The following MYOM2 variants were observed in gnomAD, a reference collection of about 807,000 sequenced individuals.
The protein encoded by MYOM2 is myomesin 2.
A neutral mutation model predicts 187.6 loss-of-function variants in MYOM2; 254 were observed. That is an observed-to-expected ratio of 1.35 (90% CI 1.22 to 1.50). The LOEUF (loss-of-function observed/expected upper bound fraction) is 1.50. Ranked by LOEUF, MYOM2 falls within the 40% of genes most tolerant of loss-of-function variation. The pLI, the probability that MYOM2 is intolerant of heterozygous loss-of-function variation, is 0.00. For missense variants in MYOM2, 2,796 were observed against 1,924.0 expected (o/e 1.45, Z -8.48); for synonymous variants, 981 against 753.8 (o/e 1.30, Z -4.94).
At chr8:2,103,855 G>A (rs1189964851) in intron 21 of MYOM2, among the ~76,000 whole-genome samples, 2 of 152,078 alleles carry the variant, frequency 1.3e-5, no homozygotes, top group Non-Finnish European at 2.9e-5. Flanking sequence ...ATATGTGTAT[G>A]TATGTACAGG....
intron 32 of MYOM2, among the ~76,000 whole-genome samples, chr8:2,137,564 TTG>T (rs35420025): frequency 0.032 from 4,728 of 150,080 alleles, 258 homozygotes; most frequent in African/African-American, 0.11. Context: ...CTGTGCCTGG[TTG>T]TGTGTGTGTG....
intron 31 of MYOM2, among the ~76,000 whole-genome samples, chr8:2,128,046 T>G (rs1213179066): frequency 2.0e-5 from 3 of 152,210 alleles, no homozygotes; most frequent in Non-Finnish European, 4.4e-5. Context: ...TTTTCTTTGT[T>G]TTATATAGAT....
At chr8:2,143,234 T>G (rs1324517354) in intron 35 of MYOM2, 167 bp from the exon 36 acceptor site, 4 of 766,028 alleles carry the variant, frequency 5.2e-6, no homozygotes, top group Non-Finnish European at 8.9e-6. Context: ...TGGCTTTGGT[T>G]TATCCCTCAA....
Position 2,050,817 on chromosome 8 carries a change from C to G in MYOM2, c.51C>G (p.Asp17Glu). ...PFYQKRHRHFDQSYRNIQTRY... is the reference protein window; with the variant it reads ...PFYQKRHRHFEQSYRNIQTRY... ...ACCAGAAGAGACATAGGCACTTCGACCAGTCCTACCGTAATATTCAAACAC... is the reference window on the plus strand; with the variant it reads ...ACCAGAAGAGACATAGGCACTTCGAGCAGTCCTACCGTAATATTCAAACAC... The change falls in exon 2 of 37, where the codon GAC becomes GAG. Residue 17 changes from aspartate (D) to glutamate (E), a missense_variant. Asp to Glu is a conservative substitution (Grantham distance 45, BLOSUM62 2). Transcript: ENST00000262113. 1.9e-6 allele frequency: 3 copies of G among 1,613,672 alleles called. No homozygotes were observed. Among genetic ancestry groups the G allele is most frequent in the Non-Finnish European group, 2.5e-6 (3 of 1,179,558 alleles).
At chr8:2,057,280 C>A in intron 3 of MYOM2, 68 bp from the exon 4 acceptor site, 1 of 1,534,858 alleles carries the variant, frequency 6.5e-7, no homozygotes, top group Non-Finnish European at 8.7e-7. Flanking sequence ...ATGCCCTTTC[C>A]GGCCTTCGGG....
intron 32 of MYOM2, among the ~76,000 whole-genome samples, chr8:2,138,744 G>A (rs1180046136): frequency 1.4e-5 from 2 of 143,122 alleles, no homozygotes; most frequent in East Asian, 4.1e-4. Flanking sequence ...TGTTGAGCAT[G>A]TCTTCTTGGA....
At chr8:2,090,286 T>C in intron 15 of MYOM2, 95 bp downstream of exon 15, 1 of 1,211,098 alleles carries the variant, frequency 8.3e-7, no homozygotes, top group East Asian at 2.6e-5. Flanking sequence ...ACATTAATGT[T>C]ATAAACGAGT....
chr8:2,089,716 A>G (rs977520514), intron 14 of MYOM2, among the ~76,000 whole-genome samples: 1 of 152,248 alleles, frequency 6.6e-6, no homozygotes, highest in African/African-American at 2.4e-5. Flanking sequence ...TGCTAAAACT[A>G]CTACCTATGT....
intron 6 of MYOM2, among the ~76,000 whole-genome samples, chr8:2,059,596 T>C (rs1818784648): frequency 1.3e-5 from 2 of 152,158 alleles, no homozygotes; most frequent in Non-Finnish European, 2.9e-5. Flanking sequence ...CAAAGAATGA[T>C]AACCTTTATT....
At chr8:2,117,847 C>G (rs752959715) in intron 27 of MYOM2, 38 bp from the exon 28 acceptor site, 2 of 1,501,860 alleles carry the variant, frequency 1.3e-6, no homozygotes, top group Non-Finnish European at 1.8e-6. Context: ...TTTACTTTTT[C>G]CTTTTTTATA....
chr8:2,123,150 T>A, intron 28 of MYOM2, 102 bp from the exon 29 acceptor site: 1 of 745,980 alleles, frequency 1.3e-6, no homozygotes, highest in Non-Finnish European at 2.1e-6. Flanking sequence ...AAAACTAAGG[T>A]TTTTTGAGGG....
chr8:2,121,416 A>G (rs1200261604), intron 28 of MYOM2, among the ~76,000 whole-genome samples: 2 of 152,220 alleles, frequency 1.3e-5, no homozygotes, highest in Non-Finnish European at 2.9e-5. Flanking sequence ...ACCGTCTATA[A>G]ATATTTAAAA....
chr8:2,096,980 C>G (rs185814562), intron 18 of MYOM2: 343 of 275,098 alleles, frequency 1.2e-3, no homozygotes, highest in Non-Finnish European at 1.6e-3. Flanking sequence ...CCAGACACCC[C>G]CTTGGCAGCC....
intron 3 of MYOM2, among the ~76,000 whole-genome samples, chr8:2,055,165 C>A (rs1177134970): frequency 1.3e-5 from 2 of 150,734 alleles, no homozygotes; most frequent in Admixed American, 6.6e-5. Flanking sequence ...GAACCAAGTA[C>A]CTGGATACTG....
At chr8:2,139,973 G>T (rs1006670668) in intron 32 of MYOM2, among the ~76,000 whole-genome samples, 1 of 152,134 alleles carries the variant, frequency 6.6e-6, no homozygotes, top group African/African-American at 2.4e-5. Flanking sequence ...GTTCAGTGGT[G>T]TTAAGTACAT....
At chr8:2,113,929 C>G (rs542785393) in intron 25 of MYOM2, among the ~76,000 whole-genome samples, 9 of 152,190 alleles carry the variant, frequency 5.9e-5, no homozygotes, top group Admixed American at 2.0e-4. Context: ...AAGGCCATGC[C>G]TGCTCTCAGG....
At chr8:2,089,890 G>A (rs912743227) in intron 14 of MYOM2, 118 bp from the exon 15 acceptor site, 12 of 818,952 alleles carry the variant, frequency 1.5e-5, no homozygotes, top group East Asian at 8.3e-5. Flanking sequence ...TGTGCGAGAC[G>A]CAGCGGGCGC....
chr8:2,068,697 C>T (rs1371799359), intron 6 of MYOM2, among the ~76,000 whole-genome samples: 4 of 152,240 alleles, frequency 2.6e-5, no homozygotes, highest in Admixed American at 6.5e-5. Context: ...CCTTAGAACT[C>T]GCATGGGATG....
At chr8:2,062,206 C>T (rs111357999) in intron 6 of MYOM2, among the ~76,000 whole-genome samples, 10 of 152,252 alleles carry the variant, frequency 6.6e-5, no homozygotes, top group South Asian at 2.1e-4. Flanking sequence ...ACGGGGACCC[C>T]GTGGGCCATT....
Sources: gnomAD v4.1 joint callset for allele counts (sites outside exome capture counted in the v4.1 genomes callset) on GRCh38, gnomAD v4.1.1 for gene constraint, MANE v1.5 for transcripts, NCBI Gene and HGNC (gene_info 2026-07-23, HGNC 2026-07-21) for gene names.